FYB1: variants seen among roughly 807,000 people sequenced by gnomAD.
FYB1 encodes FYN binding protein 1, also known as FYN-binding protein 1.
FYB1 carries 41 observed loss-of-function variants against 94.1 expected under a neutral mutation model. The observed-to-expected ratio is 0.44, with a 90% CI of 0.34 to 0.57. The LOEUF (loss-of-function observed/expected upper bound fraction) is 0.57. Ranked by LOEUF, FYB1 falls within the 20% of genes least tolerant of loss-of-function variation. FYB1 has a pLI of 0.02. For synonymous variants in FYB1, 367 were observed against 353.2 expected, an observed-to-expected ratio of 1.04 and a Z score of -0.44; for missense variants, 1,050 against 976.8, an observed-to-expected ratio of 1.07 and a Z score of -1.00.
chr5:39,148,155 TTATATATATATATATA>T (rs10528848), intron 3 of FYB1, among the ~76,000 whole-genome samples: 1,305 of 37,578 alleles, frequency 0.035, 38 homozygotes, highest in East Asian at 0.17. Context: ...TATGTATTTT[TTATATATATATATATA>T]TATATATATA....
intron 2 of FYB1, among the ~76,000 whole-genome samples, chr5:39,176,895 G>A (rs935874998): frequency 1.3e-5 from 2 of 152,148 alleles, no homozygotes; most frequent in East Asian, 1.9e-4. Context: ...CCACAACTAG[G>A]TTTCATCTTG....
chr5:39,182,747 G>A (rs1746377254), intron 2 of FYB1, among the ~76,000 whole-genome samples: 1 of 152,116 alleles, frequency 6.6e-6, no homozygotes, highest in African/African-American at 2.4e-5. Context: ...GGAGGCAGAG[G>A]AGTTAGTCTC....
chr5:39,110,347 T>G lies in FYB1; in HGVS notation c.2435+9A>C, dbSNP rs1280678035. ...TCACAAGCATAGTAGTAGAAGAAAA[T>G]GGGCTTACTTGTCCGCTAGGTAACT... On this transcript the variant is annotated intron_variant, in intron 17 of 18. Coordinates refer to ENST00000512982, the MANE Select transcript of FYB1 (RefSeq NM_001465.6). 1.3e-6 allele frequency: 2 copies of G among 1,581,246 alleles called. No homozygotes were observed. The highest frequency in any genetic ancestry group is 1.7e-5 in the Admixed American group (1 of 58,884).
intron 16 of FYB1, among the ~76,000 whole-genome samples, chr5:39,115,863 C>G (rs1561126584): frequency 6.6e-6 from 1 of 152,136 alleles, no homozygotes; most frequent in Non-Finnish European, 1.5e-5. Context: ...TCCCTTACAC[C>G]CGCATCCTTA....
intron 1 of FYB1, among the ~76,000 whole-genome samples, chr5:39,218,218 G>A (rs1215247074): frequency 3.3e-5 from 5 of 152,144 alleles, no homozygotes; most frequent in East Asian, 1.9e-4. Context: ...ACTTTTCCAC[G>A]GGGTGCCTTA....
intron 1 of FYB1, chr5:39,208,840 C>T (rs1749088942): frequency 6.6e-6 from 1 of 152,198 alleles, no homozygotes; most frequent in African/African-American, 2.4e-5. Context: ...ACAGAATGTT[C>T]TCCCCTAAGC....
chr5:39,216,778 G>A (rs700190), intron 1 of FYB1, among the ~76,000 whole-genome samples: 128,954 of 151,984 alleles, frequency 0.85, 54,761 homozygotes, highest in Admixed American at 0.9. Flanking sequence ...GTTAGGCATT[G>A]GTCACAGGCA....
intron 2 of FYB1, among the ~76,000 whole-genome samples, chr5:39,191,668 T>C (rs1156921704): frequency 6.6e-6 from 1 of 152,244 alleles, no homozygotes; most frequent in Non-Finnish European, 1.5e-5. Context: ...GTGGTTAATA[T>C]AGCAGTTAAA....
intron 1 of FYB1, among the ~76,000 whole-genome samples, chr5:39,214,013 T>C (rs1749647175): frequency 6.6e-6 from 1 of 152,170 alleles, no homozygotes; most frequent in East Asian, 1.9e-4. Flanking sequence ...GTGAAAAAAG[T>C]GTTAACATCT....
chr5:39,222,027 G>GTAAAA (rs953731424), upstream of FYB1, among the ~76,000 whole-genome samples: 457 of 149,410 alleles, frequency 3.1e-3, 1 homozygote, highest in Middle Eastern at 0.01. Flanking sequence ...ATAAAATAAA[G>GTAAAA]TAAAATAAAA....
intron 2 of FYB1, among the ~76,000 whole-genome samples, chr5:39,159,942 C>T (rs985353382): frequency 1.3e-5 from 2 of 152,042 alleles, no homozygotes; most frequent in South Asian, 4.1e-4. Flanking sequence ...CAACAGTATC[C>T]TTTTTTAACC....
In FYB1 at chr5:39,202,956, G is replaced by C. The variant is rs762263490; in HGVS notation, c.5C>G (p.Ala2Gly). 6.2e-7 allele frequency: 1 copy of C among 1,613,612 alleles called. No homozygotes were observed. Among genetic ancestry groups the C allele is most frequent in the Non-Finnish European group, 8.5e-7 (1 of 1,179,854 alleles). The part of the protein sequence containing the change: M[A>G]KYNTGGNPTE... ...CGGGTTGCCCCCCGTGTTATATTTC[G>C]CCATGAGGGACTTTACATCTGCCTT... The change falls in exon 2 of 19, where the codon GCG becomes GGG. Residue 2 changes from alanine to glycine, a missense_variant. Ala to Gly is a moderately conservative substitution (Grantham distance 60). Transcript: ENST00000512982.
chr5:39,259,207 G>C (rs767342353), intron 1 of FYB1, among the ~76,000 whole-genome samples: 1 of 152,130 alleles, frequency 6.6e-6, no homozygotes, highest in Non-Finnish European at 1.5e-5. Flanking sequence ...ATGCACAAAA[G>C]TGCTGAAGTC....
chr5:39,187,835 TAA>T (rs1746978387), intron 2 of FYB1, among the ~76,000 whole-genome samples: 1 of 59,110 alleles, frequency 1.7e-5, no homozygotes, highest in South Asian at 8.2e-4. Flanking sequence ...CCAGTAGTGC[TAA>T]GTTTTTTTTT....
chr5:39,138,305 C>T (rs1043106526), intron 6 of FYB1: 5 of 186,332 alleles, frequency 2.7e-5, no homozygotes, highest in Admixed American at 5.8e-5. Flanking sequence ...CATAGCACCC[C>T]GTGGGTGGAG....
At position 39,127,830 on chromosome 5, in the gene FYB1, T is replaced by A. The variant is rs975663643; in HGVS notation, c.1841-23A>T. The A allele has an allele frequency of 3.2e-6, 5 of 1,581,260 alleles. No individual in the cohort carries two copies. The African/African-American group carries it at 6.8e-5, about 22-fold the overall frequency. ...TCCCTTCATTTGGATTGGAGGAAAATCTTCTGTTAATTTTATAATTTGGCC... is the reference window on the plus strand; with the variant it reads ...TCCCTTCATTTGGATTGGAGGAAAAACTTCTGTTAATTTTATAATTTGGCC... On this transcript the variant is annotated intron_variant, in intron 10 of 18. Coordinates refer to ENST00000512982, the MANE Select transcript of FYB1 (RefSeq NM_001465.6).
intron 14 of FYB1, among the ~76,000 whole-genome samples, chr5:39,121,354 A>G (rs758198564): frequency 8.5e-5 from 13 of 152,142 alleles, no homozygotes; most frequent in Non-Finnish European, 1.6e-4. Flanking sequence ...TGCCTGTGGA[A>G]CTTGATCTTC....
intron 2 of FYB1, among the ~76,000 whole-genome samples, chr5:39,184,367 T>C (rs370710853): frequency 2.0e-5 from 3 of 152,186 alleles, no homozygotes; most frequent in African/African-American, 7.2e-5. Context: ...GGTACACTTA[T>C]CTTAATAAAA....
intron 2 of FYB1, among the ~76,000 whole-genome samples, chr5:39,188,956 T>C (rs964277077): frequency 6.6e-6 from 1 of 152,232 alleles, no homozygotes; most frequent in Non-Finnish European, 1.5e-5. Flanking sequence ...TTTGGGGACA[T>C]TCTTATGCAA....
Sources: allele counts gnomAD v4.1 joint callset (sites outside exome capture counted in the v4.1 genomes callset), GRCh38; gene constraint gnomAD v4.1.1; transcripts MANE v1.5; gene names NCBI Gene and HGNC (gene_info 2026-07-23, HGNC 2026-07-21).